The following MAP4 variants were observed in gnomAD, a reference collection of about 807,000 sequenced individuals.
The protein encoded by MAP4 is microtubule associated protein 4, also known as microtubule-associated protein 4.
In MAP4, 76 loss-of-function variants were observed where a neutral mutation model predicts 170.2. That is an observed-to-expected ratio of 0.45 (90% confidence interval 0.37 to 0.54). The LOEUF is 0.54. Among genes scored for constraint, MAP4 ranks in the 20% least tolerant of loss-of-function variants. The pLI is 0.00. For synonymous variants in MAP4, 909 were observed against 994.5 expected, an observed-to-expected ratio of 0.91 and a Z score of 1.62; for missense variants, 2,506 against 2,748.0, an observed-to-expected ratio of 0.91 and a Z score of 1.97.
rs773779588 is a variant in MAP4, at chr3:47,869,204, T to A, written c.6408+10A>T. On this transcript the variant is annotated intron_variant, in intron 16 of 20. Coordinates refer to ENST00000683076, the MANE Select transcript of MAP4 (RefSeq NM_001385682.1). Reference sequence around the variant, plus strand: ...TTCACCTTGCAGAGGTGGGTCTAAATAAAACTCACTTTCCCCGCAGGTTGT... The same window carrying A: ...TTCACCTTGCAGAGGTGGGTCTAAAAAAAACTCACTTTCCCCGCAGGTTGT... 1.3e-6 allele frequency: 2 copies of A among 1,598,058 alleles called. No homozygotes were observed. Among genetic ancestry groups the A allele is most frequent in the East Asian group, 4.5e-5 (2 of 44,828 alleles).
At chr3:48,023,869 G>A (rs2154488772) in intron 1 of MAP4, among the ~76,000 whole-genome samples, 1 of 152,282 alleles carries the variant, frequency 6.6e-6, no homozygotes, top group South Asian at 2.1e-4. Context: ...GGGTTGGGGG[G>A]AGACCCTCTC....
At chr3:47,966,607 CT>C (rs1305393676) in intron 3 of MAP4, among the ~76,000 whole-genome samples, 1 of 152,026 alleles carries the variant, frequency 6.6e-6, no homozygotes, top group Non-Finnish European at 1.5e-5. Flanking sequence ...TCTTGAACTC[CT>C]TGCCTCAAGC....
chr3:47,872,377 G>A (rs910130238), intron 12 of MAP4, among the ~76,000 whole-genome samples: 2 of 152,192 alleles, frequency 1.3e-5, no homozygotes, highest in African/African-American at 4.8e-5. Flanking sequence ...TAGAGACAGG[G>A]TTTCACCGTG....
chr3:47,953,998 AGTGAGACTCTGTCT>A (rs1447461820), intron 3 of MAP4, among the ~76,000 whole-genome samples: 20 of 151,570 alleles, frequency 1.3e-4, no homozygotes, highest in Admixed American at 1.3e-3. Flanking sequence ...TGGGTGACAG[AGTGAGACTCTGTCT>A]CAAAAAAACA....
chr3:47,869,794 A>C (rs951444665), intron 15 of MAP4, among the ~76,000 whole-genome samples: 1 of 152,052 alleles, frequency 6.6e-6, no homozygotes, highest in African/African-American at 2.4e-5. Flanking sequence ...AGATCAAGTC[A>C]CTCAACTCCC....
intron 3 of MAP4, among the ~76,000 whole-genome samples, chr3:47,969,564 G>A (rs1345188310): frequency 6.6e-6 from 1 of 152,144 alleles, no homozygotes; most frequent in Non-Finnish European, 1.5e-5. Flanking sequence ...GTAACCTCTT[G>A]GTTAGACACT....
chr3:47,912,523 G>A (rs1050762464), intron 8 of MAP4, 102 bp from the exon 9 acceptor site: 3 of 1,076,566 alleles, frequency 2.8e-6, no homozygotes, highest in Admixed American at 2.9e-5. Flanking sequence ...CTAATTTAAG[G>A]AGGCTATTTT....
chr3:48,085,293 AAAGAACAAGACACTATGAGATTAGG>A (rs910463214), intron 1 of MAP4, among the ~76,000 whole-genome samples: 3 of 152,132 alleles, frequency 2.0e-5, no homozygotes, highest in Admixed American at 6.6e-5. Context: ...CAAGATTAGG[AAAGAACAAGACACTATGAGATTAGG>A]AAGAACAAGA....
Position 47,998,669 on chromosome 3 carries a change from C to G in MAP4, c.192G>C (p.Lys64Asn). The G allele has an allele frequency of 6.2e-7, 1 of 1,614,126 alleles. No homozygotes were observed. The highest frequency in any genetic ancestry group is 8.5e-7 in the Non-Finnish European group (1 of 1,179,982). The change falls in exon 2 of 21, where the codon AAG becomes AAC. Residue 64 changes from lysine (K) to asparagine (N), a missense_variant. By Grantham distance (94) the Lys-to-Asn change is moderately conservative (BLOSUM62 0). Around this residue, in one of 3 missense-constraint regions of MAP4, gnomAD observed 2,008 missense variants for 2,206.0 expected, o/e 0.91. Coordinates refer to ENST00000683076, the MANE Select transcript of MAP4 (RefSeq NM_001385682.1). ...DEKTGNSESKKKPCSETSQIE... is the reference protein window; with the variant it reads ...DEKTGNSESKNKPCSETSQIE... ...TCTGGCTAGTTTCTGAGCACGGTTTCTTCTTTGACTCTGAGTTCCCGGTTT... is the reference window on the plus strand; with the variant it reads ...TCTGGCTAGTTTCTGAGCACGGTTTGTTCTTTGACTCTGAGTTCCCGGTTT...
chr3:47,959,802 A>G (rs2100070413), intron 3 of MAP4, among the ~76,000 whole-genome samples: 1 of 151,918 alleles, frequency 6.6e-6, no homozygotes, highest in Non-Finnish European at 1.5e-5. Flanking sequence ...ACATTTTGCT[A>G]TATCATGAAA....
intron 1 of MAP4, among the ~76,000 whole-genome samples, chr3:48,031,988 G>T (rs545100459): frequency 3.3e-5 from 5 of 152,144 alleles, no homozygotes; most frequent in Middle Eastern, 3.4e-3. Flanking sequence ...TTACCTCTGT[G>T]ATCTTCCTTC....
chr3:47,993,973 T>C (rs1045552770), intron 2 of MAP4, among the ~76,000 whole-genome samples: 3 of 152,190 alleles, frequency 2.0e-5, no homozygotes, highest in African/African-American at 7.2e-5. Flanking sequence ...CAAAGATAAT[T>C]TGTGACAGTT....
Position 47,909,615 on chromosome 3 carries a change from G to A in MAP4, c.4806C>T (p.Phe1602=), listed in dbSNP as rs761281203. The change falls in exon 9 of 21, where the codon TTC becomes TTT. Residue 1602 remains phenylalanine, a synonymous_variant. Transcript: ENST00000683076. Reference sequence around the variant, plus strand: ...TCTCTTCATTCACTGGATGTGCTGGGAAATTACCTCTATCTGCATATCCTT... The same window carrying A: ...TCTCTTCATTCACTGGATGTGCTGGAAAATTACCTCTATCTGCATATCCTT... ...ALEGYADRGN[F]PAHPVNEEKE... 10 of 1,613,480 alleles carry A rather than the reference G, an allele frequency of 6.2e-6. No individual in the cohort carries two copies. In the African/African-American group the frequency reaches 1.2e-4, roughly 19 times the overall value.
At chr3:47,942,658 T>TA (rs1451613359) in intron 3 of MAP4, among the ~76,000 whole-genome samples, 2 of 152,212 alleles carry the variant, frequency 1.3e-5, no homozygotes, top group Non-Finnish European at 2.9e-5. Flanking sequence ...GAGAACATCT[T>TA]AGATTATTAG....
intron 1 of MAP4, among the ~76,000 whole-genome samples, chr3:48,021,805 A>G (rs2100110710): frequency 6.6e-6 from 1 of 152,256 alleles, no homozygotes. Context: ...AAACTACTGG[A>G]TATCAAAACT....
intron 1 of MAP4, among the ~76,000 whole-genome samples, chr3:48,058,037 A>T (rs142001305): frequency 6.6e-6 from 1 of 152,338 alleles, no homozygotes; most frequent in East Asian, 1.9e-4. Context: ...TTAGACAATA[A>T]ATATTTATTG....
Position 47,916,270 on chromosome 3 carries a change from A to G in MAP4, c.1557T>C (p.Asp519=). Residue 519 remains aspartate, a synonymous_variant, in exon 7 of 21, where the codon GAT becomes GAC. Transcript: ENST00000683076. ...LSETEMALGK[D]VTPPPETEVV... The stretch of plus-strand genomic sequence containing the variant: ...CTTCTGTTTCTGGAGGTGGAGTCAC[A>G]TCCTTGCCCAGAGCCATTTCTGTTT... 1.2e-6 allele frequency: 2 copies of G among 1,614,112 alleles called. No individual in the cohort carries two copies. The highest frequency in any genetic ancestry group is 1.7e-6 in the Non-Finnish European group (2 of 1,179,952).
At chr3:48,055,545 G>A (rs1231500004) in intron 1 of MAP4, among the ~76,000 whole-genome samples, 2 of 142,182 alleles carry the variant, frequency 1.4e-5, no homozygotes, top group Non-Finnish European at 3.1e-5. Flanking sequence ...GCGTGATCTC[G>A]GCTCACTACA....
chr3:48,073,151 AG>A (rs2100141830), intron 1 of MAP4, among the ~76,000 whole-genome samples: 3 of 151,726 alleles, frequency 2.0e-5, no homozygotes, highest in Admixed American at 2.0e-4. Flanking sequence ...CAGAGGTTAC[AG>A]TGAGCAGAGA....
Sources: allele counts gnomAD v4.1 joint callset (sites outside exome capture counted in the v4.1 genomes callset), GRCh38; gene constraint gnomAD v4.1.1; regional missense constraint gnomAD v4.1.1; transcripts MANE v1.5; gene names NCBI Gene and HGNC (gene_info 2026-07-23, HGNC 2026-07-21).